CACNB2: variants seen among roughly 807,000 people sequenced by gnomAD.
The protein encoded by CACNB2 is calcium voltage-gated channel auxiliary subunit beta 2, also known as voltage-dependent L-type calcium channel subunit beta-2.
Under a neutral mutation model 73.3 loss-of-function variants are expected in CACNB2, and 42 were observed. The observed-to-expected ratio is 0.57, with a 90% CI of 0.45 to 0.74. The LOEUF is 0.74. CACNB2 is among the 30% of genes least tolerant of loss of function. CACNB2 has a pLI of 0.00. For synonymous variants in CACNB2, 348 were observed against 310.3 expected (o/e 1.12, Z -1.28); for missense variants, 940 against 853.0 (o/e 1.10, Z -1.27).
At chr10:18,485,186 G>A (rs2048993526) in intron 3 of CACNB2, among the ~76,000 whole-genome samples, 1 of 152,006 alleles carries the variant, frequency 6.6e-6, no homozygotes, top group African/African-American at 2.4e-5. Flanking sequence ...AGGAACTTTT[G>A]CCCATATATA....
chr10:18,245,618 G>A (rs1328768726), intron 2 of CACNB2, among the ~76,000 whole-genome samples: 3 of 152,060 alleles, frequency 2.0e-5, no homozygotes, highest in East Asian at 1.9e-4. Context: ...GGCAGGAGCC[G>A]TCACACCTGG....
At chr10:18,509,245 A>G (rs1408045458) in intron 6 of CACNB2, among the ~76,000 whole-genome samples, 1 of 152,222 alleles carries the variant, frequency 6.6e-6, no homozygotes, top group Non-Finnish European at 1.5e-5. Flanking sequence ...ATGGGTCTGT[A>G]ATGATCATTT....
In CACNB2 at chr10:18,518,259, G is replaced by GA. The variant is rs2051477027; in HGVS notation, c.805-74dup. The GA allele has an allele frequency of 1.6e-5, 16 of 989,294 alleles. No homozygotes were observed. The South Asian group carries it at 1.9e-4, about 12-fold the overall frequency. The allele number at this position is 989,294 out of a possible 1,614,324, so 61.3% of individuals were successfully genotyped here. A position where few individuals can be genotyped will look rare whatever the true frequency, so the allele number is the denominator to read the frequency against. On this transcript the variant is annotated intron_variant, in intron 7 of 13. Coordinates refer to ENST00000324631, the MANE Select transcript of CACNB2 (RefSeq NM_201596.3). ...CCAGTGCCTCATATTATGGAGTTCA[G>GA]AAAGAGTACCTTATACACAAAATAT...
chr10:18,145,730 C>G (rs1336543613), intron 1 of CACNB2, among the ~76,000 whole-genome samples: 1 of 152,112 alleles, frequency 6.6e-6, no homozygotes, highest in Admixed American at 6.5e-5. Context: ...TCAAACATAA[C>G]ATAACATGGT....
chr10:18,524,809 G>C (rs967935121), intron 9 of CACNB2, among the ~76,000 whole-genome samples: 1 of 150,720 alleles, frequency 6.6e-6, no homozygotes, highest in African/African-American at 2.4e-5. Context: ...AGGACTGCTT[G>C]AGCTCAGAAG....
At chr10:18,465,322 T>G (rs1227558440) in intron 3 of CACNB2, among the ~76,000 whole-genome samples, 3 of 152,140 alleles carry the variant, frequency 2.0e-5, no homozygotes, top group African/African-American at 7.2e-5. Context: ...AAAGCAAGAC[T>G]CTGTCTCAGT....
At chr10:18,321,517 T>A (rs980255105) in intron 2 of CACNB2, among the ~76,000 whole-genome samples, 12 of 152,206 alleles carry the variant, frequency 7.9e-5, no homozygotes, top group Non-Finnish European at 1.6e-4. Flanking sequence ...TGTACATTTT[T>A]AAATCACTTG....
chr10:18,338,705 A>C (rs145604405), intron 2 of CACNB2, among the ~76,000 whole-genome samples: 4,192 of 81,022 alleles, frequency 0.052, 210 homozygotes, highest in African/African-American at 0.18. Flanking sequence ...TTCCTTCCTG[A>C]CTTCCTGCCT....
chr10:18,396,456 C>G (rs1340397456), intron 2 of CACNB2, among the ~76,000 whole-genome samples: 1 of 152,178 alleles, frequency 6.6e-6, no homozygotes, highest in East Asian at 1.9e-4. Flanking sequence ...TCCTGGCCCG[C>G]TGAAGTCTAT....
At chr10:18,368,571 G>A (rs1173571668) in intron 2 of CACNB2, among the ~76,000 whole-genome samples, 3 of 152,148 alleles carry the variant, frequency 2.0e-5, no homozygotes, top group Non-Finnish European at 4.4e-5. Context: ...AGTATTTTGA[G>A]GAATGGTGTT....
intron 2 of CACNB2, among the ~76,000 whole-genome samples, chr10:18,211,961 T>G (rs535361710): frequency 2.6e-5 from 4 of 152,184 alleles, no homozygotes; most frequent in Non-Finnish European, 5.9e-5. Flanking sequence ...GGGCAGTGCT[T>G]TCTCAATCTT....
chr10:18,500,473 C>G (rs1051380807), intron 4 of CACNB2, among the ~76,000 whole-genome samples: 6 of 152,116 alleles, frequency 3.9e-5, no homozygotes, highest in African/African-American at 1.4e-4. Context: ...ATTTCTGTAA[C>G]AGTACTTCCT....
chr10:18,266,046 T>C (rs983178833), intron 2 of CACNB2, among the ~76,000 whole-genome samples: 2 of 152,222 alleles, frequency 1.3e-5, no homozygotes, highest in East Asian at 1.9e-4. Flanking sequence ...CCAAATGATA[T>C]TGCATTTGTA....
chr10:18,399,818 T>C (rs2043899997), intron 2 of CACNB2, among the ~76,000 whole-genome samples: 1 of 152,208 alleles, frequency 6.6e-6, no homozygotes, highest in Non-Finnish European at 1.5e-5. Context: ...ACAAAGTGTA[T>C]ATTTCTTAAT....
intron 3 of CACNB2, among the ~76,000 whole-genome samples, chr10:18,459,780 G>T (rs1589420882): frequency 1.3e-5 from 2 of 152,164 alleles, no homozygotes; most frequent in African/African-American, 4.8e-5. Flanking sequence ...GCCGTGATGG[G>T]TGGATCACCT....
chr10:18,383,110 G>C (rs575234984), intron 2 of CACNB2, among the ~76,000 whole-genome samples: 19 of 152,332 alleles, frequency 1.2e-4, no homozygotes, highest in African/African-American at 4.3e-4. Flanking sequence ...AGCCACAGAA[G>C]TTGTATTTTT....
intron 2 of CACNB2, among the ~76,000 whole-genome samples, chr10:18,271,406 C>T (rs189752183): frequency 3.3e-5 from 5 of 152,294 alleles, no homozygotes; most frequent in African/African-American, 7.2e-5. Context: ...TGTTTTAAAA[C>T]AGCAGTTACA....
intron 3 of CACNB2, among the ~76,000 whole-genome samples, chr10:18,450,029 G>T (rs1333947159): frequency 1.3e-5 from 2 of 152,212 alleles, no homozygotes; most frequent in Non-Finnish European, 2.9e-5. Flanking sequence ...AGGCTCAATG[G>T]CAACAAATCT....
Position 18,307,983 on chromosome 10 carries a change from C to CTT in CACNB2, c.214-93915_214-93914dup, listed in dbSNP as rs869311555. On this transcript the variant is annotated intron_variant, in intron 2 of 13. Transcript: ENST00000324631. ...TTAAGTCTAAAATAATATATGCCAACTTTTTTTTTTTTTTTTTTTTTTTTT... is the reference window on the plus strand; with the variant it reads ...TTAAGTCTAAAATAATATATGCCAACTTTTTTTTTTTTTTTTTTTTTTTTTTT... Among the ~76,000 whole-genome samples the CTT allele has an allele frequency of 4.8e-3, 335 of 70,238 alleles. 68 individuals carry two copies. The highest frequency in any genetic ancestry group is 0.018 in the African/African-American group (299 of 16,758). 46.1% of individuals were successfully genotyped at this position (70,238 alleles called of 152,430 possible).
Sources: gnomAD v4.1 joint callset for allele counts (sites outside exome capture counted in the v4.1 genomes callset) on GRCh38, gnomAD v4.1.1 for gene constraint, MANE v1.5 for transcripts, NCBI Gene and HGNC (gene_info 2026-07-23, HGNC 2026-07-21) for gene names.